Variants in OSBPL10 observed in about 807,000 individuals in gnomAD.
OSBPL10 encodes the protein oxysterol-binding protein-related protein 10.
A neutral mutation model predicts 81.7 loss-of-function variants in OSBPL10; 49 were observed. That is an observed-to-expected ratio of 0.60 (90% CI 0.48 to 0.76). The LOEUF (loss-of-function observed/expected upper bound fraction) is 0.76, where lower values mean the gene tolerates loss of function less well. Ranked by LOEUF, OSBPL10 falls within the 30% of genes least tolerant of loss-of-function variation. OSBPL10 has a pLI of 0.00. For missense variants in OSBPL10, 923 were observed against 987.8 expected (o/e 0.93, Z 0.88); for synonymous variants, 419 against 383.6 (o/e 1.09, Z -1.08).
chr3:31,776,036 T>C (rs2125758591), intron 4 of OSBPL10, among the ~76,000 whole-genome samples: 1 of 151,974 alleles, frequency 6.6e-6, no homozygotes, highest in African/African-American at 2.4e-5. Flanking sequence ...GTCAGGAGGG[T>C]GCAATGATCT....
At chr3:31,921,184 TAC>T (rs980442123) in intron 1 of OSBPL10, among the ~76,000 whole-genome samples, 58 of 152,294 alleles carry the variant, frequency 3.8e-4, no homozygotes, top group African/African-American at 1.2e-3. Context: ...TACACATGGT[TAC>T]ACATAGAAAT....
chr3:31,751,754 C>T (rs886450929), intron 4 of OSBPL10, among the ~76,000 whole-genome samples: 5 of 152,198 alleles, frequency 3.3e-5, no homozygotes, highest in Non-Finnish European at 5.9e-5. Flanking sequence ...CCTAAAGATT[C>T]GTTTTCTTCT....
chr3:31,870,873 G>A (rs1575592258), intron 3 of OSBPL10, among the ~76,000 whole-genome samples: 2 of 152,060 alleles, frequency 1.3e-5, no homozygotes, highest in Admixed American at 6.5e-5. Flanking sequence ...GGGTTTGTGA[G>A]TACACCAATC....
chr3:31,834,422 C>G (rs1481717525), intron 3 of OSBPL10, among the ~76,000 whole-genome samples: 1 of 152,216 alleles, frequency 6.6e-6, no homozygotes, highest in Non-Finnish European at 1.5e-5. Flanking sequence ...CTTATGTCCC[C>G]TTGCTTCGTA....
intron 1 of OSBPL10, among the ~76,000 whole-genome samples, chr3:31,941,063 T>G (rs1697524077): frequency 6.6e-6 from 1 of 152,190 alleles, no homozygotes; most frequent in Non-Finnish European, 1.5e-5. Flanking sequence ...GTAAATGTAC[T>G]CAACGTTTGT....
intron 8 of OSBPL10, 21 bp downstream of exon 8, chr3:31,683,613 C>T: frequency 6.3e-7 from 1 of 1,599,064 alleles, no homozygotes; most frequent in Non-Finnish European, 8.6e-7. Context: ...GAGCCAAACT[C>T]CAACATACGA....
At chr3:31,892,753 C>G (rs781147627) in intron 1 of OSBPL10, among the ~76,000 whole-genome samples, 1 of 152,046 alleles carries the variant, frequency 6.6e-6, no homozygotes, top group African/African-American at 2.4e-5. Flanking sequence ...TCACATGATT[C>G]GGATCATCAT....
chr3:31,705,413 A>G (rs1030053392), intron 6 of OSBPL10, among the ~76,000 whole-genome samples: 12 of 135,464 alleles, frequency 8.9e-5, no homozygotes, highest in Non-Finnish European at 1.5e-4. Flanking sequence ...TTGGGGGTAC[A>G]TAGATGGAAA....
At chr3:31,769,578 ATAAAAATATATTTTAT>A (rs1559457117) in intron 4 of OSBPL10, among the ~76,000 whole-genome samples, 1 of 146,554 alleles carries the variant, frequency 6.8e-6, no homozygotes, top group Non-Finnish European at 1.5e-5. Flanking sequence ...ATAACTCATT[ATAAAAATATATTTTAT>A]TAAAAATATA....
intron 4 of OSBPL10, among the ~76,000 whole-genome samples, chr3:31,817,259 A>C (rs1416184359): frequency 5.3e-5 from 8 of 152,118 alleles, no homozygotes; most frequent in African/African-American, 1.4e-4. Flanking sequence ...CCCCCCTTCT[A>C]GCAGGACTCT....
chr3:31,876,368 AAAT>A, intron 3 of OSBPL10, 62 bp downstream of exon 3: 1 of 1,400,206 alleles, frequency 7.1e-7, no homozygotes, highest in Admixed American at 1.7e-5. Flanking sequence ...CCGAAGAAAC[AAAT>A]AATGGGGCTG....
intron 1 of OSBPL10, among the ~76,000 whole-genome samples, chr3:32,074,743 C>T (rs532504492): frequency 3.3e-5 from 5 of 152,328 alleles, no homozygotes; most frequent in African/African-American, 1.2e-4. Flanking sequence ...CACCATCAAT[C>T]CCCATTACAA....
chr3:31,799,905 C>T (rs1699336415), intron 4 of OSBPL10, among the ~76,000 whole-genome samples: 1 of 152,176 alleles, frequency 6.6e-6, no homozygotes, highest in African/African-American at 2.4e-5. Flanking sequence ...GATGGTATTT[C>T]ACCAATATTG....
intron 1 of OSBPL10, among the ~76,000 whole-genome samples, chr3:31,941,939 T>TACCA (rs1484473319): frequency 6.6e-6 from 1 of 152,228 alleles, no homozygotes; most frequent in African/African-American, 2.4e-5. Context: ...GGCTGCTGGT[T>TACCA]ACCAGCAGGG....
At chr3:32,038,164 A>C (rs1386404262) in intron 2 of OSBPL10, among the ~76,000 whole-genome samples, 1 of 152,060 alleles carries the variant, frequency 6.6e-6, no homozygotes, top group Non-Finnish European at 1.5e-5. Flanking sequence ...GTGGATAAGC[A>C]CAATCTAAAA....
chr3:31,754,174 T>C (rs1294207442), intron 4 of OSBPL10, among the ~76,000 whole-genome samples: 1 of 152,164 alleles, frequency 6.6e-6, no homozygotes, highest in Admixed American at 6.5e-5. Context: ...CCTCCAAGCG[T>C]TCCCTTTAGG....
intron 3 of OSBPL10, among the ~76,000 whole-genome samples, chr3:31,864,170 C>T (rs948330847): frequency 2.0e-4 from 30 of 152,164 alleles, no homozygotes; most frequent in Admixed American, 6.5e-4. Context: ...TATATGGGAG[C>T]ACAGAGAGAA....
chr3:31,737,503 G>A (rs552670322), intron 5 of OSBPL10, among the ~76,000 whole-genome samples: 3 of 152,264 alleles, frequency 2.0e-5, no homozygotes, highest in Admixed American at 2.0e-4. Flanking sequence ...ACAGGCTGAG[G>A]TGAAAAGAGA....
Position 31,850,057 on chromosome 3 carries a change from C to T in OSBPL10, c.538-19826G>A, listed in dbSNP as rs1230028393. Among the ~76,000 whole-genome samples, 14 of 152,180 alleles carry T rather than the reference C, an allele frequency of 9.2e-5. No individual in the cohort carries two copies. The East Asian group carries it at 9.7e-4, about 10-fold the overall frequency. On this transcript the variant is annotated intron_variant, in intron 3 of 11. Transcript: ENST00000396556. Reference sequence around the variant, plus strand: ...GTGCATTCCTGTAATCCCAGCTACTCGGGAGGCTGAGGCAGGAGAGTAATT... The same window carrying T: ...GTGCATTCCTGTAATCCCAGCTACTTGGGAGGCTGAGGCAGGAGAGTAATT...
Sources: allele counts gnomAD v4.1 joint callset (sites outside exome capture counted in the v4.1 genomes callset), GRCh38; gene constraint gnomAD v4.1.1; transcripts MANE v1.5; gene names NCBI Gene and HGNC (gene_info 2026-07-23, HGNC 2026-07-21).